SLC18B1: variants seen among roughly 807,000 people sequenced by gnomAD.
SLC18B1 encodes the protein MFS-type transporter SLC18B1.
In SLC18B1, 62 loss-of-function variants were observed where a neutral mutation model predicts 53.9. That is an observed-to-expected ratio of 1.15 (90% CI 0.94 to 1.42). SLC18B1 has a LOEUF of 1.42. Ranked by LOEUF, SLC18B1 falls within the 40% of genes most tolerant of loss-of-function variation. SLC18B1 has a pLI of 0.00. For synonymous variants in SLC18B1, 217 were observed against 200.9 expected, an observed-to-expected ratio of 1.08 and a Z score of -0.68; for missense variants, 598 against 547.3, an observed-to-expected ratio of 1.09 and a Z score of -0.93.
At chr6:132,781,508 C>A (rs1781234938) in intron 6 of SLC18B1, among the ~76,000 whole-genome samples, 1 of 152,118 alleles carries the variant, frequency 6.6e-6, no homozygotes, top group African/African-American at 2.4e-5. Context: ...TCTGTAATCC[C>A]AGAACTCTGG....
rs1780931903 is a variant in SLC18B1, at chr6:132,770,178, T to G, written c.*92A>C. ...CACTGGCACGGGGTCCACGGAGTTTTGCGCGTAAAATTTTAAAAACCCTTC... is the reference window on the plus strand; with the variant it reads ...CACTGGCACGGGGTCCACGGAGTTTGGCGCGTAAAATTTTAAAAACCCTTC... On this transcript the variant is annotated 3_prime_UTR_variant, in exon 14 of 14. Coordinates refer to ENST00000275227, the MANE Select transcript of SLC18B1 (RefSeq NM_052831.3). The G allele has an allele frequency of 1.9e-6, 2 of 1,051,938 alleles. No homozygotes were observed. Among genetic ancestry groups the G allele is most frequent in the Admixed American group, 1.9e-5 (1 of 51,988 alleles). The allele number at this position is 1,051,938 out of a possible 1,614,324, so 65.2% of individuals were successfully genotyped here.
intron 7 of SLC18B1, among the ~76,000 whole-genome samples, chr6:132,777,365 A>G (rs555493743): frequency 4.4e-4 from 67 of 152,262 alleles, no homozygotes; most frequent in African/African-American, 1.6e-3. Context: ...CTTCCTCATC[A>G]CTTAAAAATA....
At chr6:132,771,513 T>C (rs1780973650) in intron 11 of SLC18B1, among the ~76,000 whole-genome samples, 1 of 151,990 alleles carries the variant, frequency 6.6e-6, no homozygotes, top group Admixed American at 6.6e-5. Flanking sequence ...AATAAACAAA[T>C]GAATGAATAA....
chr6:132,776,927 G>C (rs1260028285), intron 7 of SLC18B1, among the ~76,000 whole-genome samples: 1 of 152,112 alleles, frequency 6.6e-6, no homozygotes, highest in Non-Finnish European at 1.5e-5. Context: ...GAGAGTCAAG[G>C]TCTGATGTAA....
intron 11 of SLC18B1, among the ~76,000 whole-genome samples, chr6:132,771,874 C>G (rs1166193474): frequency 1.3e-5 from 2 of 152,030 alleles, no homozygotes; most frequent in African/African-American, 2.4e-5. Context: ...GGCAGATCAC[C>G]TGAGGTCAGG....
At chr6:132,783,869 G>C (rs1184016500) in intron 6 of SLC18B1, 64 bp downstream of exon 6, 1 of 1,234,972 alleles carries the variant, frequency 8.1e-7, no homozygotes, top group African/African-American at 1.6e-5. Context: ...GGTAAAACTG[G>C]TCTCTTACAA....
In SLC18B1 at chr6:132,784,059, GC is replaced by G; in HGVS notation, c.531del (p.Leu178Ter). On this transcript the variant is annotated frameshift_variant, in exon 6 of 14. Transcript: ENST00000275227. LOFTEE classifies it high-confidence loss of function. ...LGSLETFSGL[G>X]LILGPPVGGF... ...CCACCTACAGGAGGACCTAGTATTA[GC>G]CCCAGTCCAGAAAAAGTCTCAAGAC... 6.3e-7 allele frequency: 1 copy of G among 1,587,306 alleles called. No homozygotes were observed.
chr6:132,790,185 C>A lies in SLC18B1; in HGVS notation c.271G>T (p.Gly91Ter). The change falls in exon 3 of 14, where the codon GGA becomes TGA. Residue 91 changes from glycine to a stop codon, truncating the protein, a stop_gained. Transcript: ENST00000275227. LOFTEE classifies it high-confidence loss of function. Reference protein sequence around the residue: ...LFELLASLVFGNYLVHIGAKF... With the variant: ...LFELLASLVF ...ATGAACTTTATACTTACATAGTTTC[C>A]AAATACCAAGGATGCCAGCAACTCG... The A allele has an allele frequency of 6.4e-7, 1 of 1,564,576 alleles. No homozygotes were observed. The highest frequency in any genetic ancestry group is 8.7e-7 in the Non-Finnish European group (1 of 1,153,572).
At chr6:132,771,203 C>T in intron 11 of SLC18B1, 74 bp from the exon 12 acceptor site, 1 of 1,312,114 alleles carries the variant, frequency 7.6e-7, no homozygotes, top group Non-Finnish European at 1.1e-6. Flanking sequence ...GCTACATGAT[C>T]CTTCAATTGT....
intron 7 of SLC18B1, among the ~76,000 whole-genome samples, chr6:132,777,230 G>A (rs184031762): frequency 2.9e-4 from 44 of 152,144 alleles, no homozygotes; most frequent in African/African-American, 1.1e-3. Flanking sequence ...GACACAGTGA[G>A]ACTCTGTCTC....
At chr6:132,787,229 C>A (rs56042401) in intron 5 of SLC18B1, among the ~76,000 whole-genome samples, 7,181 of 152,166 alleles carry the variant, frequency 0.047, 581 homozygotes, top group African/African-American at 0.16. Context: ...TCAGGGAATT[C>A]TAAAACCAGG....
chr6:132,776,793 A>G (rs1403107613), intron 7 of SLC18B1, among the ~76,000 whole-genome samples: 2 of 152,194 alleles, frequency 1.3e-5, no homozygotes, highest in African/African-American at 4.8e-5. Flanking sequence ...AGGGTTTCTG[A>G]TTCAGAAAAA....
Position 132,773,162 on chromosome 6 carries a change from C to T in SLC18B1, c.990-74G>A, listed in dbSNP as rs1285103485. Reference sequence around the variant, plus strand: ...GTTTTAACAAACACAAAGCTTAATGCTAAGGAAGTGAGGATCCCTGATAAG... The same window carrying T: ...GTTTTAACAAACACAAAGCTTAATGTTAAGGAAGTGAGGATCCCTGATAAG... On this transcript the variant is annotated intron_variant, in intron 9 of 13. Transcript: ENST00000275227. The T allele has an allele frequency of 3.8e-6, 4 of 1,048,526 alleles. No individual in the cohort carries two copies. The Admixed American group carries it at 7.8e-5, about 20-fold the overall frequency. 65.0% of individuals were successfully genotyped at this position (1,048,526 alleles called of 1,614,324 possible).
chr6:132,774,667 G>T (rs1373838945), intron 8 of SLC18B1, among the ~76,000 whole-genome samples: 1 of 152,090 alleles, frequency 6.6e-6, no homozygotes, highest in Non-Finnish European at 1.5e-5. Context: ...CCAAAACTTT[G>T]AGAGGCCGAG....
intron 6 of SLC18B1, among the ~76,000 whole-genome samples, chr6:132,780,194 G>A (rs1056547405): frequency 7.3e-5 from 11 of 151,582 alleles, no homozygotes; most frequent in Non-Finnish European, 1.3e-4. Flanking sequence ...CAACTCCTGC[G>A]TGCTCAAGTG....
At chr6:132,789,024 T>A (rs1177457913) in intron 4 of SLC18B1, among the ~76,000 whole-genome samples, 1 of 152,140 alleles carries the variant, frequency 6.6e-6, no homozygotes, top group Non-Finnish European at 1.5e-5. Flanking sequence ...TTCAGTTTAC[T>A]TCATTATAAT....
rs373279549 is a variant in SLC18B1, at chr6:132,790,325, GA to G, written c.184-54del. The G allele has an allele frequency of 8.1e-5, 102 of 1,262,706 alleles. 1 individual carries two copies. The African/African-American group carries it at 1.3e-3, about 16-fold the overall frequency. The allele number at this position is 1,262,706 out of a possible 1,614,324, so 78.2% of individuals were successfully genotyped here. Reference sequence around the variant, plus strand: ...TTTCAAAGAAAAATTAGATCAATATGAAAAAATGGAAATAATAGATCAGGGC... The same window carrying G: ...TTTCAAAGAAAAATTAGATCAATATGAAAAATGGAAATAATAGATCAGGGC... On this transcript the variant is annotated intron_variant, in intron 2 of 13. Transcript: ENST00000275227.
At chr6:132,770,820 A>G (rs762459490) in intron 13 of SLC18B1, 70 bp downstream of exon 13, 172 of 1,375,898 alleles carry the variant, frequency 1.3e-4, no homozygotes, top group Non-Finnish European at 1.7e-4. Context: ...TAAATGTAAA[A>G]TGTTATTTAT....
At chr6:132,794,069 C>G (rs1781610590) in intron 2 of SLC18B1, among the ~76,000 whole-genome samples, 1 of 151,900 alleles carries the variant, frequency 6.6e-6, no homozygotes, top group African/African-American at 2.4e-5. Flanking sequence ...CAATTCTTCT[C>G]CATCTCAATT....
Sources: gnomAD v4.1 joint callset for allele counts (sites outside exome capture counted in the v4.1 genomes callset) on GRCh38, gnomAD v4.1.1 for gene constraint, MANE v1.5 for transcripts, NCBI Gene and HGNC (gene_info 2026-07-23, HGNC 2026-07-21) for gene names.